The following VPS53 variants were observed in gnomAD, a reference collection of about 807,000 sequenced individuals.
VPS53 encodes vacuolar protein sorting-associated protein 53 homolog.
VPS53 carries 70 observed loss-of-function variants against 107.0 expected under a neutral mutation model. The ratio of observed to expected loss-of-function variants is 0.65; its 90% CI spans 0.54 to 0.80. VPS53 has a LOEUF of 0.80. Ranked by LOEUF, VPS53 falls within the 30% of genes least tolerant of loss-of-function variation. VPS53 has a pLI of 0.00. For synonymous variants in VPS53, 409 were observed against 393.3 expected (o/e 1.04, Z -0.47); for missense variants, 917 against 1,049.4 (o/e 0.87, Z 1.74).
At chr17:529,457 T>C (rs957143190) in intron 19 of VPS53, among the ~76,000 whole-genome samples, 26 of 152,092 alleles carry the variant, frequency 1.7e-4, no homozygotes, top group African/African-American at 6.0e-4. Context: ...TATAGATAAA[T>C]TGATACAGTA....
chr17:601,727 A>C, intron 12 of VPS53, 68 bp downstream of exon 12: 1 of 1,288,198 alleles, frequency 7.8e-7, no homozygotes, highest in Non-Finnish European at 1.1e-6. Flanking sequence ...TCGTATCTGG[A>C]GCAAGCAGAC....
chr17:673,358 G>A lies in VPS53; in HGVS notation c.286-11463C>T, dbSNP rs551459728. ...TGAGAGCTGTTGCTATGGAAACGAG[G>A]TATCCCCAGCTGAAACAGAGGTGCT... On this transcript the variant is annotated intron_variant, in intron 4 of 21. Transcript: ENST00000437048. 1.3e-4 allele frequency among the ~76,000 whole-genome samples: 20 copies of A among 152,278 alleles called. No individual in the cohort carries two copies. In the East Asian group the frequency reaches 3.7e-3, roughly 28 times the overall value.
At chr17:633,221 G>A (rs899910112) in intron 7 of VPS53, among the ~76,000 whole-genome samples, 8 of 152,082 alleles carry the variant, frequency 5.3e-5, no homozygotes, top group Admixed American at 5.2e-4. Flanking sequence ...AATCGATCAC[G>A]CCCCACAATC....
chr17:706,494 G>A (rs1403441033), intron 2 of VPS53, among the ~76,000 whole-genome samples: 5 of 148,538 alleles, frequency 3.4e-5, no homozygotes, highest in Non-Finnish European at 7.4e-5. Context: ...CCGGGATTGT[G>A]CTACTGCATT....
intron 11 of VPS53, among the ~76,000 whole-genome samples, chr17:603,686 G>A (rs1267592038): frequency 6.6e-6 from 1 of 152,072 alleles, no homozygotes; most frequent in Non-Finnish European, 1.5e-5. Context: ...ACCCAAGCAA[G>A]TATTTCACAT....
chr17:681,515 A>C (rs1972394873), intron 4 of VPS53, among the ~76,000 whole-genome samples: 1 of 152,224 alleles, frequency 6.6e-6, no homozygotes. Flanking sequence ...GATAAACACC[A>C]GCTGGACTCC....
chr17:528,994 C>T (rs981560994), intron 19 of VPS53, among the ~76,000 whole-genome samples: 4 of 152,100 alleles, frequency 2.6e-5, no homozygotes, highest in Admixed American at 6.5e-5. Flanking sequence ...ATGGCTGTAC[C>T]GTTTTGCATT....
intron 12 of VPS53, among the ~76,000 whole-genome samples, chr17:589,187 TA>T (rs1967502023): frequency 6.6e-6 from 1 of 152,024 alleles, no homozygotes; most frequent in Non-Finnish European, 1.5e-5. Context: ...TGTTAACATT[TA>T]AAAAAATCAA....
Position 590,655 on chromosome 17 carries a change from G to A in VPS53, c.1219-4291C>T, listed in dbSNP as rs1253026930. 2.2e-3 allele frequency among the ~76,000 whole-genome samples: 332 copies of A among 151,918 alleles called. 1 individual carries two copies. Among genetic ancestry groups the A allele is most frequent in the African/African-American group, 7.7e-3 (319 of 41,458 alleles). On this transcript the variant is annotated intron_variant, in intron 12 of 21. Coordinates refer to ENST00000437048, the MANE Select transcript of VPS53 (RefSeq NM_001128159.3). Reference sequence around the variant, plus strand: ...GATAATCATGTGGTTTTTGTCTTTGGTTCTGTTTATGTGCTGGATTACATT... The same window carrying A: ...GATAATCATGTGGTTTTTGTCTTTGATTCTGTTTATGTGCTGGATTACATT...
intron 7 of VPS53, among the ~76,000 whole-genome samples, chr17:641,850 G>C (rs1322290870): frequency 1.3e-5 from 2 of 152,186 alleles, no homozygotes; most frequent in Non-Finnish European, 2.9e-5. Context: ...TCAGCCTGTT[G>C]CATGGTGGCA....
chr17:536,895 T>G, intron 18 of VPS53, 133 bp downstream of exon 18: 2 of 1,139,572 alleles, frequency 1.8e-6, no homozygotes, highest in Non-Finnish European at 1.2e-6. Flanking sequence ...AGACTGTGCA[T>G]GTTGGGGGGG....
chr17:629,809 C>CCA lies in VPS53; in HGVS notation c.688-1580_688-1579dup, dbSNP rs61004817. Among the ~76,000 whole-genome samples, 768 of 140,782 alleles carry CCA rather than the reference C, an allele frequency of 5.5e-3. 9 individuals carry two copies. Among genetic ancestry groups the CCA allele is most frequent in the African/African-American group, 0.018 (673 of 37,802 alleles). 92.4% of individuals were successfully genotyped at this position (140,782 alleles called of 152,430 possible). On this transcript the variant is annotated intron_variant, in intron 8 of 21. Transcript: ENST00000437048. The stretch of plus-strand genomic sequence containing the variant: ...AACTAAAAACAAAACAAAAAAAAAA[C>CCA]CACACACACACACACACACACACAC...
At chr17:564,814 C>T (rs1157721003) in intron 13 of VPS53, among the ~76,000 whole-genome samples, 3 of 152,160 alleles carry the variant, frequency 2.0e-5, no homozygotes. Context: ...TCCGATTTCC[C>T]ATTCAAACAT....
chr17:712,770 C>T, intron 1 of VPS53, among the ~76,000 whole-genome samples: 1 of 152,182 alleles, frequency 6.6e-6, no homozygotes, highest in South Asian at 2.1e-4. Flanking sequence ...AATCAAAAAC[C>T]ACCTGTACCC....
chr17:537,422 C>A (rs373395731), intron 17 of VPS53: 2 of 431,752 alleles, frequency 4.6e-6, no homozygotes, highest in African/African-American at 2.0e-5. Flanking sequence ...GCCTTGTCCC[C>A]GACCTGCCTG....
In VPS53 at chr17:580,369, T is replaced by C. The variant is rs563182260; in HGVS notation, c.1313+5901A>G. 7.8e-5 allele frequency among the ~76,000 whole-genome samples: 11 copies of C among 141,264 alleles called. No homozygotes were observed. In the South Asian group the frequency reaches 9.3e-4, roughly 12 times the overall value. The allele number at this position is 141,264 out of a possible 152,430, so 92.7% of individuals were successfully genotyped here. A position where few individuals can be genotyped will look rare whatever the true frequency, so the allele number is the denominator to read the frequency against. On this transcript the variant is annotated intron_variant, in intron 13 of 21. Transcript: ENST00000437048. Reference sequence around the variant, plus strand: ...AACCTCCCTCACAATCTCAGTGAATTCCCAGAGAACTTCCCTCAGGACCTC... The same window carrying C: ...AACCTCCCTCACAATCTCAGTGAATCCCCAGAGAACTTCCCTCAGGACCTC...
At position 535,794 on chromosome 17, in the gene VPS53, C is replaced by G. The variant is rs145558141; in HGVS notation, c.2015+1234G>C. 3.7e-3 allele frequency among the ~76,000 whole-genome samples: 570 copies of G among 152,316 alleles called. 7 individuals are homozygous for G. Among genetic ancestry groups the G allele is most frequent in the African/African-American group, 0.013 (529 of 41,570 alleles). On this transcript the variant is annotated intron_variant, in intron 18 of 21. Coordinates refer to ENST00000437048, the MANE Select transcript of VPS53 (RefSeq NM_001128159.3). ...CATTAATGCCTCCCTGGAGAGTCCA[C>G]TCTATCCTTTCTTGACAAACTAGAA...
intron 15 of VPS53, among the ~76,000 whole-genome samples, chr17:555,892 A>C (rs545997307): frequency 6.6e-6 from 1 of 152,320 alleles, no homozygotes; most frequent in East Asian, 1.9e-4. Flanking sequence ...AAAATCCAAA[A>C]CTTGGGAAAA....
At chr17:531,606 C>T (rs910960951) in intron 19 of VPS53, among the ~76,000 whole-genome samples, 5 of 151,454 alleles carry the variant, frequency 3.3e-5, no homozygotes, top group Admixed American at 1.3e-4. Flanking sequence ...AAGAATCCTC[C>T]GACTTCAGCC....
Sources: allele counts gnomAD v4.1 joint callset (sites outside exome capture counted in the v4.1 genomes callset), GRCh38; gene constraint gnomAD v4.1.1; transcripts MANE v1.5; gene names NCBI Gene and HGNC (gene_info 2026-07-23, HGNC 2026-07-21).